Variants in DCLK1 observed in about 807,000 individuals in gnomAD.
DCLK1 encodes serine/threonine-protein kinase DCLK1.
Under a neutral mutation model 86.2 loss-of-function variants are expected in DCLK1, and 16 were observed. That is an observed-to-expected ratio of 0.19 (90% CI 0.13 to 0.28). DCLK1 has a LOEUF of 0.28. DCLK1 is among the 10% of genes least tolerant of loss of function. The probability of loss-of-function intolerance (pLI) is 1.00; values close to 1 mark genes in which losing one functional copy is unlikely to be tolerated. For synonymous variants in DCLK1, 369 were observed against 370.5 expected, an observed-to-expected ratio of 1.00 and a Z score of 0.05; for missense variants, 590 against 940.2, an observed-to-expected ratio of 0.63 and a Z score of 4.87.
At chr13:35,966,965 A>G (rs1273856864) in intron 3 of DCLK1, among the ~76,000 whole-genome samples, 3 of 136,132 alleles carry the variant, frequency 2.2e-5, no homozygotes, top group Admixed American at 7.4e-5. Flanking sequence ...CTGGCCGCCC[A>G]TCGTCTGGGA....
intron 4 of DCLK1, among the ~76,000 whole-genome samples, chr13:35,887,317 G>A (rs1873332185): frequency 6.6e-6 from 1 of 152,186 alleles, no homozygotes; most frequent in Non-Finnish European, 1.5e-5. Flanking sequence ...CTCAGTGTTA[G>A]GCTGGACTTG....
chr13:36,030,743 T>G (rs1882237112), intron 3 of DCLK1, among the ~76,000 whole-genome samples: 1 of 152,086 alleles, frequency 6.6e-6, no homozygotes, highest in African/African-American at 2.4e-5. Context: ...AGAGAAAAGT[T>G]ATCGATATAG....
At chr13:36,113,063 T>C (rs761832257) in intron 2 of DCLK1, among the ~76,000 whole-genome samples, 1 of 152,216 alleles carries the variant, frequency 6.6e-6, no homozygotes, top group Non-Finnish European at 1.5e-5. Context: ...CCTTTTGAAA[T>C]TAAAGATTTT....
chr13:36,034,779 T>TAACCACCAGCTC (rs1487570442), intron 3 of DCLK1, among the ~76,000 whole-genome samples: 1 of 152,148 alleles, frequency 6.6e-6, no homozygotes, highest in South Asian at 2.1e-4. Flanking sequence ...ACCAACAGTT[T>TAACCACCAGCTC]AACCACCAGC....
intron 3 of DCLK1, among the ~76,000 whole-genome samples, chr13:35,969,960 C>T (rs1878987356): frequency 6.6e-6 from 1 of 152,094 alleles, no homozygotes; most frequent in Non-Finnish European, 1.5e-5. Context: ...GAAATGATTC[C>T]TCACCAAGAT....
intron 3 of DCLK1, among the ~76,000 whole-genome samples, chr13:36,061,246 T>A (rs1883537729): frequency 6.6e-6 from 1 of 152,208 alleles, no homozygotes; most frequent in African/African-American, 2.4e-5. Flanking sequence ...AACTGAGAAC[T>A]GGCATTTCTT....
intron 6 of DCLK1, chr13:35,850,883 A>C (rs999083168): frequency 6.4e-6 from 6 of 943,676 alleles, no homozygotes; most frequent in Admixed American, 3.3e-5. Flanking sequence ...TACTATTATT[A>C]GACCTTTTCA....
chr13:35,962,268 A>G (rs1447860517), intron 3 of DCLK1, among the ~76,000 whole-genome samples: 1 of 152,204 alleles, frequency 6.6e-6, no homozygotes, highest in Non-Finnish European at 1.5e-5. Context: ...AGATGAGGTC[A>G]TCCTGGAGTT....
intron 11 of DCLK1, among the ~76,000 whole-genome samples, chr13:35,819,056 T>C (rs899030477): frequency 6.6e-6 from 1 of 152,104 alleles, no homozygotes; most frequent in African/African-American, 2.4e-5. Context: ...GTATCACTCA[T>C]TCACTCACTC....
intron 3 of DCLK1, among the ~76,000 whole-genome samples, chr13:35,952,098 T>C (rs1877725100): frequency 6.6e-6 from 1 of 152,214 alleles, no homozygotes; most frequent in Admixed American, 6.5e-5. Context: ...AGAGAATAAG[T>C]CCTCAATAAA....
intron 4 of DCLK1, among the ~76,000 whole-genome samples, chr13:35,933,398 G>A (rs1164392545): frequency 2.0e-5 from 3 of 152,210 alleles, no homozygotes; most frequent in African/African-American, 7.2e-5. Context: ...CTCTGTGTGA[G>A]GGCTCTGACC....
intron 5 of DCLK1, among the ~76,000 whole-genome samples, chr13:35,858,306 G>C (rs1481332109): frequency 6.6e-6 from 1 of 152,138 alleles, no homozygotes; most frequent in Non-Finnish European, 1.5e-5. Context: ...AGAAGATTAA[G>C]GCCAAAAGGG....
intron 4 of DCLK1, among the ~76,000 whole-genome samples, chr13:35,941,446 T>A (rs1234084128): frequency 7.2e-5 from 11 of 152,172 alleles, no homozygotes; most frequent in Admixed American, 3.9e-4. Flanking sequence ...GCTGAGGAAA[T>A]GTCCATTCTA....
chr13:35,962,445 C>G (rs528980431), intron 3 of DCLK1, among the ~76,000 whole-genome samples: 18 of 152,114 alleles, frequency 1.2e-4, no homozygotes, highest in Non-Finnish European at 2.6e-4. Context: ...AGGGGAGAGG[C>G]CTGGGAATGA....
intron 3 of DCLK1, among the ~76,000 whole-genome samples, chr13:36,039,072 T>C (rs551620895): frequency 1.3e-4 from 20 of 152,338 alleles, no homozygotes; most frequent in African/African-American, 4.8e-4. Flanking sequence ...AATGTCCAGC[T>C]GGCATTTTGA....
At chr13:35,980,607 T>C (rs995203726) in intron 3 of DCLK1, among the ~76,000 whole-genome samples, 1 of 152,182 alleles carries the variant, frequency 6.6e-6, no homozygotes, top group Non-Finnish European at 1.5e-5. Flanking sequence ...CCCAGCCTTT[T>C]TGGCACCAGA....
intron 3 of DCLK1, among the ~76,000 whole-genome samples, chr13:36,103,593 C>T (rs1885296424): frequency 6.6e-6 from 1 of 152,028 alleles, no homozygotes; most frequent in Admixed American, 6.5e-5. Flanking sequence ...TCCCATCTGT[C>T]CTTTTGTTTC....
intron 5 of DCLK1, among the ~76,000 whole-genome samples, chr13:35,866,625 T>TA (rs1871814042): frequency 6.6e-6 from 1 of 151,370 alleles, no homozygotes; most frequent in Admixed American, 6.6e-5. Flanking sequence ...TATTTTTTTT[T>TA]TTTTTTTTAG....
chr13:36,057,077 T>C (rs1019770028), intron 3 of DCLK1, among the ~76,000 whole-genome samples: 2 of 152,058 alleles, frequency 1.3e-5, no homozygotes, highest in Non-Finnish European at 2.9e-5. Context: ...CACACACACA[T>C]ACATATGAAA....
Sources: gnomAD v4.1 joint callset for allele counts (sites outside exome capture counted in the v4.1 genomes callset) on GRCh38, gnomAD v4.1.1 for gene constraint, MANE v1.5 for transcripts, NCBI Gene and HGNC (gene_info 2026-07-23, HGNC 2026-07-21) for gene names.